UNC5B: variants seen among roughly 807,000 people sequenced by gnomAD.
The protein encoded by UNC5B is unc-5 netrin receptor B, also known as netrin receptor UNC5B.
In UNC5B, 56 loss-of-function variants were observed where a neutral mutation model predicts 103.7. The observed-to-expected ratio is 0.54, with a 90% CI of 0.44 to 0.67. UNC5B has a LOEUF of 0.67. Ranked by LOEUF, UNC5B falls within the 30% of genes least tolerant of loss-of-function variation. The pLI, the probability that UNC5B is intolerant of heterozygous loss-of-function variation, is 0.00. For missense variants in UNC5B, 1,194 were observed against 1,284.5 expected, an observed-to-expected ratio of 0.93 and a Z score of 1.08; for synonymous variants, 577 against 542.0, an observed-to-expected ratio of 1.06 and a Z score of -0.90.
Position 71,293,806 on chromosome 10 carries a change from C to T in UNC5B, c.2048C>T (p.Thr683Met), listed in dbSNP as rs748800418. 1.9e-5 allele frequency: 31 copies of T among 1,608,920 alleles called. No individual in the cohort carries two copies. Among genetic ancestry groups the T allele is most frequent in the Admixed American group, 3.4e-5 (2 of 59,506 alleles). Residue 683 changes from threonine to methionine, a missense_variant, in exon 13 of 17, where the codon ACG becomes ATG. Physicochemically the swap from Thr to Met is moderately conservative, Grantham distance 81. Coordinates refer to ENST00000335350, the MANE Select transcript of UNC5B (RefSeq NM_170744.5). Reference protein sequence around the residue: ...LLDQLGTYVFTGESYSRSAVK... With the variant: ...LLDQLGTYVFMGESYSRSAVK... ...GACCAGCTGGGCACCTACGTGTTCA[C>T]GGGCGAGTCCTATTCCCGCTCAGCA... is the stretch of plus-strand genomic sequence containing the variant.
chr10:71,299,510 C>T lies in UNC5B; in HGVS notation c.*233C>T. 1 of 510,220 alleles carries T rather than the reference C, an allele frequency of 2.0e-6. No homozygotes were observed. The highest frequency in any genetic ancestry group is 3.5e-6 in the Non-Finnish European group (1 of 287,588). The allele number at this position is 510,220 out of a possible 1,614,324, so 31.6% of individuals were successfully genotyped here. On this transcript the variant is annotated 3_prime_UTR_variant, in exon 17 of 17. Transcript: ENST00000335350. Reference sequence around the variant, plus strand: ...CCACCCCCGCTCTCTCTCTCTTGGCCTGAGATCTCTGTGCAGGAACCAAGA... The same window carrying T: ...CCACCCCCGCTCTCTCTCTCTTGGCTTGAGATCTCTGTGCAGGAACCAAGA...
At chr10:71,243,302 A>G (rs971886647) in intron 1 of UNC5B, among the ~76,000 whole-genome samples, 2 of 152,090 alleles carry the variant, frequency 1.3e-5, no homozygotes, top group African/African-American at 4.8e-5. Context: ...CCTGGGCTTC[A>G]GATCAGTTTC....
rs2132322267 is a variant in UNC5B, at chr10:71,301,250, C to A, written c.*1973C>A. 6.6e-6 allele frequency: 1 copy of A among 152,388 alleles called. No homozygotes were observed. The highest frequency in any genetic ancestry group is 1.9e-4 in the East Asian group (1 of 5,162). The allele number at this position is 152,388 out of a possible 1,614,324, so 9.4% of individuals were successfully genotyped here. Reference sequence around the variant, plus strand: ...TTAGGGCCGCAGTTCCAGCCAGCGTCCCCAGCCTGGCTTCCCTGCCATGGA... The same window carrying A: ...TTAGGGCCGCAGTTCCAGCCAGCGTACCCAGCCTGGCTTCCCTGCCATGGA... On this transcript the variant is annotated 3_prime_UTR_variant, in exon 17 of 17. Coordinates refer to ENST00000335350, the MANE Select transcript of UNC5B (RefSeq NM_170744.5).
At position 71,212,862 on chromosome 10, in the gene UNC5B, C is replaced by A; in HGVS notation, c.-124C>A. On this transcript the variant is annotated 5_prime_UTR_variant, in exon 1 of 17. In the 5' UTR this introduces an upstream ATG that the reference lacks. Coordinates refer to ENST00000335350, the MANE Select transcript of UNC5B (RefSeq NM_170744.5). ...CCGCTGCCCCCACGGAAGGCACGGGCTGGCGCTGCCGGGCGCCGGGGAGGA... is the reference window on the plus strand; with the variant it reads ...CCGCTGCCCCCACGGAAGGCACGGGATGGCGCTGCCGGGCGCCGGGGAGGA... 1 of 783,668 alleles carries A rather than the reference C, an allele frequency of 1.3e-6. No individual in the cohort carries two copies. Among genetic ancestry groups the A allele is most frequent in the Non-Finnish European group, 1.7e-6 (1 of 580,882 alleles). 48.5% of individuals were successfully genotyped at this position (783,668 alleles called of 1,614,324 possible). A position where few individuals can be genotyped will look rare whatever the true frequency, so the allele number is the denominator to read the frequency against.
In UNC5B at chr10:71,213,728, A is replaced by AGAGAGTGTGTGTGTGTGTGTGTGTGT. The variant is rs144371231; in HGVS notation, c.79+665_79+666insAGAGTGTGTGTGTGTGTGTGTGTGTG. On this transcript the variant is annotated intron_variant, in intron 1 of 16. Transcript: ENST00000335350. The surrounding 1 kb of genome is among the most constrained non-coding windows in gnomAD (Gnocchi z 4.1). The stretch of plus-strand genomic sequence containing the variant: ...ATTATTAATTTTCTGAGTGTTGGAG[A>AGAGAGTGTGTGTGTGTGTGTGTGTGT]GTGTGTGTGTGTGTGTGTGTGTGTG... 7.6e-6 allele frequency among the ~76,000 whole-genome samples: 1 copy of AGAGAGTGTGTGTGTGTGTGTGTGTGT among 131,474 alleles called. No homozygotes were observed. The highest frequency in any genetic ancestry group is 2.9e-5 in the African/African-American group (1 of 34,208). The allele number at this position is 131,474 out of a possible 152,430, so 86.3% of individuals were successfully genotyped here. A position where few individuals can be genotyped will look rare whatever the true frequency, so the allele number is the denominator to read the frequency against.
At chr10:71,274,000 C>A (rs933210538) in intron 1 of UNC5B, among the ~76,000 whole-genome samples, 1 of 152,174 alleles carries the variant, frequency 6.6e-6, no homozygotes, top group Admixed American at 6.5e-5. Context: ...GACTGGGGGA[C>A]CAGGCTGCAA....
intron 1 of UNC5B, among the ~76,000 whole-genome samples, chr10:71,223,067 G>A (rs1013572556): frequency 3.3e-5 from 5 of 152,204 alleles, no homozygotes; most frequent in Non-Finnish European, 7.3e-5. Context: ...GTCGGATGGG[G>A]CAGCCTGCGT....
In UNC5B at chr10:71,247,941, C is replaced by T. The variant is rs542723792; in HGVS notation, c.80-31880C>T. Among the ~76,000 whole-genome samples the T allele has an allele frequency of 3.8e-4, 58 of 152,236 alleles. 1 individual carries two copies. The highest frequency in any genetic ancestry group is 1.2e-3 in the African/African-American group (49 of 41,538). On this transcript the variant is annotated intron_variant, in intron 1 of 16. Transcript: ENST00000335350. Reference sequence around the variant, plus strand: ...GGAAAAGGAGAAAGGATGGGAATGCCGCATCTGCCTTTGGCAAGCTGCTGA... The same window carrying T: ...GGAAAAGGAGAAAGGATGGGAATGCTGCATCTGCCTTTGGCAAGCTGCTGA...
chr10:71,224,791 G>A (rs1206325762), intron 1 of UNC5B, among the ~76,000 whole-genome samples: 1 of 152,186 alleles, frequency 6.6e-6, no homozygotes, highest in Non-Finnish European at 1.5e-5. Flanking sequence ...CTGCCTTCTA[G>A]TGGGATTTTG....
rs1237383308 is a variant in UNC5B at position 71,296,954 on chromosome 10, G to GT, written c.2490+212_2490+213insT. Among the ~76,000 whole-genome samples, 86 of 124,866 alleles carry GT rather than the reference G, an allele frequency of 6.9e-4. 1 individual carries two copies. Among genetic ancestry groups the GT allele is most frequent in the African/African-American group, 1.4e-3 (44 of 30,540 alleles). 81.9% of individuals were successfully genotyped at this position (124,866 alleles called of 152,430 possible). A position where few individuals can be genotyped will look rare whatever the true frequency, so the allele number is the denominator to read the frequency against. Reference sequence around the variant, plus strand: ...CCACGCTGGCGGAGGTGAGGGAAGGGCGGCCAGATATTCCGGCTGCACACC... The same window carrying GT: ...CCACGCTGGCGGAGGTGAGGGAAGGGTCGGCCAGATATTCCGGCTGCACACC... On this transcript the variant is annotated intron_variant, in intron 15 of 16. Coordinates refer to ENST00000335350, the MANE Select transcript of UNC5B (RefSeq NM_170744.5).
intron 1 of UNC5B, among the ~76,000 whole-genome samples, chr10:71,232,549 C>G (rs1843704476): frequency 6.6e-6 from 1 of 152,268 alleles, no homozygotes; most frequent in South Asian, 2.1e-4. Context: ...GCAAGCTGAC[C>G]TCAGCTGCTG....
chr10:71,263,644 G>A (rs1056857909), intron 1 of UNC5B, among the ~76,000 whole-genome samples: 2 of 152,174 alleles, frequency 1.3e-5, no homozygotes, highest in African/African-American at 4.8e-5. Flanking sequence ...GGAAAATGCC[G>A]AGTATTTCTC....
chr10:71,224,620 G>A (rs1011002817), intron 1 of UNC5B, among the ~76,000 whole-genome samples: 2 of 152,138 alleles, frequency 1.3e-5, no homozygotes, highest in African/African-American at 4.8e-5. Context: ...CTGGATTCAA[G>A]TCCTGGCCCC....
chr10:71,238,266 G>A (rs1280467504), intron 1 of UNC5B, among the ~76,000 whole-genome samples: 1 of 152,202 alleles, frequency 6.6e-6, no homozygotes, highest in East Asian at 1.9e-4. Flanking sequence ...AGGGTGCAAA[G>A]GGTCCTGAAA....
intron 1 of UNC5B, among the ~76,000 whole-genome samples, chr10:71,274,368 A>AT (rs1564726377): frequency 4.0e-5 from 6 of 151,736 alleles, no homozygotes; most frequent in Non-Finnish European, 7.4e-5. Context: ...CAAAAAAAAA[A>AT]AAAAATAAAA....
At chr10:71,245,842 A>C (rs578078159) in intron 1 of UNC5B, among the ~76,000 whole-genome samples, 1 of 152,288 alleles carries the variant, frequency 6.6e-6, no homozygotes, top group East Asian at 1.9e-4. Flanking sequence ...CCGGCTTGTC[A>C]TCCTGCCTCC....
At chr10:71,227,018 T>G (rs1843579084) in intron 1 of UNC5B, among the ~76,000 whole-genome samples, 1 of 150,304 alleles carries the variant, frequency 6.7e-6, no homozygotes, top group African/African-American at 2.5e-5. Context: ...GGAGTCTTGC[T>G]CTGTTGCCCA....
At position 71,291,795 on chromosome 10, in the gene UNC5B, G is replaced by C; in HGVS notation, c.1658G>C (p.Gly553Ala). 6.2e-7 allele frequency: 1 copy of C among 1,603,090 alleles called. No homozygotes were observed. Among genetic ancestry groups the C allele is most frequent in the Non-Finnish European group, 8.5e-7 (1 of 1,178,524 alleles). ...GTCAGCGGCACCTTTGGCTGCCTGG[G>C]TGGGAGGCTCAGCATCCCCGGCACA... ...SSVSGTFGCL[G>A]GRLSIPGTGV... The change falls in exon 10 of 17, where the codon GGT (glycine) becomes GCT (alanine). Residue 553 changes from glycine (G) to alanine (A), a missense_variant. Transcript: ENST00000335350.
At chr10:71,217,915 A>G (rs1352932753) in intron 1 of UNC5B, 2 of 151,604 alleles carry the variant, frequency 1.3e-5, no homozygotes, top group Non-Finnish European at 2.9e-5. Flanking sequence ...CTCTAACGCC[A>G]CCGCCTAGCG....
Sources: gnomAD v4.1 joint callset for allele counts (sites outside exome capture counted in the v4.1 genomes callset) on GRCh38, gnomAD v4.1.1 for gene constraint, Gnocchi (gnomAD v3.1) non-coding constraint, MANE v1.5 for transcripts, NCBI Gene and HGNC (gene_info 2026-07-23, HGNC 2026-07-21) for gene names.